The following DCAF6 variants were observed in gnomAD, a reference collection of about 807,000 sequenced individuals.
The protein encoded by DCAF6 is DDB1 and CUL4 associated factor 6.
Under a neutral mutation model 125.1 loss-of-function variants are expected in DCAF6, and 54 were observed. That is an observed-to-expected ratio of 0.43 (90% CI 0.35 to 0.54). DCAF6 has a LOEUF of 0.54. DCAF6 is among the 20% of genes least tolerant of loss of function. The pLI, the probability that DCAF6 is intolerant of heterozygous loss-of-function variation, is 0.01. For missense variants in DCAF6, 934 were observed against 1,161.7 expected (o/e 0.80, Z 2.85); for synonymous variants, 371 against 390.4 (o/e 0.95, Z 0.58).
the DCAF6 span, among the ~76,000 whole-genome samples, chr1:167,872,577 CTATT>C: frequency 1.3e-5 from 2 of 151,748 alleles, no homozygotes; most frequent in Non-Finnish European, 1.5e-5. Flanking sequence ...TAAAAAGCCA[CTATT>C]TATTTATTAT....
In DCAF6 at chr1:168,002,553, G is replaced by A. The variant is rs377089126; in HGVS notation, c.975G>A (p.Pro325=). 96 of 1,612,616 alleles carry A rather than the reference G, an allele frequency of 6.0e-5. 1 individual carries two copies. The highest frequency in any genetic ancestry group is 2.3e-4 in the African/African-American group (17 of 74,858). ...DWSDTGPRAR[P]ESERERDGEQ... ...CAGATACTGGACCCAGAGCAAGGCC[G>A]GAGAGTGAACGAGAACGAGATGGTA... The change falls in exon 8 of 22, where the codon CCG becomes CCA. Residue 325 remains proline, a synonymous_variant. Transcript: ENST00000367840.
Position 167,993,362 on chromosome 1 carries a change from T to A in DCAF6, c.825T>A (p.Asp275Glu). 6.2e-7 allele frequency: 1 copy of A among 1,613,888 alleles called. No individual in the cohort carries two copies. The stretch of plus-strand genomic sequence containing the variant: ...AGATTCTCGTTAGTTACTCTTCAGA[T>A]TACATATATCTTTTTGACCCGAAAG... ...GQEILVSYSS[D>E]YIYLFDPKDD... Residue 275 changes from aspartate to glutamate, a missense_variant, in exon 7 of 22, where the codon GAT (aspartate) becomes GAA (glutamate). Around this residue, in one of 5 missense-constraint regions of DCAF6, gnomAD observed 309 missense variants for 381.2 expected, o/e 0.81. Coordinates refer to ENST00000367840, the MANE Select transcript of DCAF6 (RefSeq NM_001198956.2).
Position 168,039,571 on chromosome 1 carries a change from A to G in DCAF6, c.1727+1083A>G, listed in dbSNP as rs543059506. ...TAGTAATCTATTAGTTAATATATTG[A>G]TATAGTATTTCTTAATATATAATAT... On this transcript the variant is annotated intron_variant, in intron 13 of 21. Coordinates refer to ENST00000367840, the MANE Select transcript of DCAF6 (RefSeq NM_001198956.2). Among the ~76,000 whole-genome samples the G allele has an allele frequency of 6.7e-5, 10 of 148,580 alleles. No individual in the cohort carries two copies. In the South Asian group the frequency reaches 2.1e-3, roughly 31 times the overall value.
the DCAF6 span, among the ~76,000 whole-genome samples, chr1:167,925,412 G>A: frequency 5.8e-5 from 7 of 120,712 alleles, no homozygotes; most frequent in Admixed American, 5.4e-4. Flanking sequence ...ATATGTATGT[G>A]TATATATAAT....
At chr1:167,980,748 A>G (rs1405100678) in intron 4 of DCAF6, among the ~76,000 whole-genome samples, 1 of 151,862 alleles carries the variant, frequency 6.6e-6, no homozygotes, top group Non-Finnish European at 1.5e-5. Flanking sequence ...ACCCTTTTTT[A>G]GATACATGGT....
chr1:167,865,302 T>A, the DCAF6 span, among the ~76,000 whole-genome samples: 1 of 152,224 alleles, frequency 6.6e-6, no homozygotes. Context: ...AAAAAAATTC[T>A]GTGTGTAAAC....
At chr1:168,014,493 G>A (rs1268973543) in intron 10 of DCAF6, among the ~76,000 whole-genome samples, 2 of 152,056 alleles carry the variant, frequency 1.3e-5, no homozygotes, top group Non-Finnish European at 2.9e-5. Flanking sequence ...CTCTTTAGGG[G>A]ACTTAAAATG....
the DCAF6 span, among the ~76,000 whole-genome samples, chr1:167,873,918 A>G: frequency 6.6e-6 from 1 of 152,254 alleles, no homozygotes; most frequent in African/African-American, 2.4e-5. Context: ...GAGTGGGAAA[A>G]GTGATATACA....
the DCAF6 span, chr1:167,878,342 A>AC: frequency 7.4e-7 from 1 of 1,343,986 alleles, no homozygotes. Context: ...ATAGATTTCA[A>AC]CTTTTTGAAC....
intron 7 of DCAF6, among the ~76,000 whole-genome samples, chr1:167,993,672 C>T (rs1018976639): frequency 1.3e-5 from 2 of 152,066 alleles, no homozygotes; most frequent in Admixed American, 1.3e-4. Flanking sequence ...TCGCTTGAAC[C>T]CGGGAGGCGG....
intron 10 of DCAF6, among the ~76,000 whole-genome samples, chr1:168,014,312 C>T (rs1165618836): frequency 2.0e-5 from 3 of 152,154 alleles, no homozygotes; most frequent in African/African-American, 7.2e-5. Flanking sequence ...CAACTGCTTA[C>T]TCCATCCTTT....
At chr1:167,948,944 G>T (rs74120572) in intron 1 of DCAF6, among the ~76,000 whole-genome samples, 1,562 of 152,280 alleles carry the variant, frequency 0.01, 33 homozygotes, top group African/African-American at 0.036. Flanking sequence ...GAGCCACCAC[G>T]CACAGCAATC....
chr1:168,058,313 C>A (rs1034265534), intron 17 of DCAF6, among the ~76,000 whole-genome samples: 6 of 152,110 alleles, frequency 3.9e-5, no homozygotes, highest in Non-Finnish European at 8.8e-5. Flanking sequence ...GTTTTTCTTG[C>A]GTATATACCA....
chr1:167,959,429 C>A (rs1343363345), intron 2 of DCAF6, among the ~76,000 whole-genome samples: 6 of 152,130 alleles, frequency 3.9e-5, no homozygotes, highest in Non-Finnish European at 8.8e-5. Flanking sequence ...GGATAAATAC[C>A]AAGGAGCATG....
At position 168,023,052 on chromosome 1, in the gene DCAF6, G is replaced by T; in HGVS notation, c.1609+5G>T. 1 of 1,614,030 alleles carries T rather than the reference G, an allele frequency of 6.2e-7. No individual in the cohort carries two copies. Among genetic ancestry groups the T allele is most frequent in the African/African-American group, 1.3e-5 (1 of 75,054 alleles). On this transcript the variant is annotated splice_donor_5th_base_variant and intron_variant, in intron 12 of 21. Coordinates refer to ENST00000367840, the MANE Select transcript of DCAF6 (RefSeq NM_001198956.2). ...TGTCACTTGACGAGCAACAGGGTGC[G>T]TGCAACAGGAGATGCGCTATGCCCA...
the DCAF6 span, chr1:167,899,365 CA>C: frequency 1.3e-6 from 2 of 1,551,646 alleles, no homozygotes; most frequent in Non-Finnish European, 1.8e-6. Context: ...ACTCTTCTGG[CA>C]GGGGGCCTCT....
chr1:167,863,977 C>T, the DCAF6 span, among the ~76,000 whole-genome samples: 1 of 152,008 alleles, frequency 6.6e-6, no homozygotes, highest in African/African-American at 2.4e-5. Context: ...TGGGAACTTG[C>T]CCACTCCATT....
At chr1:167,912,327 G>T in the DCAF6 span, among the ~76,000 whole-genome samples, 1 of 152,162 alleles carries the variant, frequency 6.6e-6, no homozygotes, top group Non-Finnish European at 1.5e-5. Flanking sequence ...GCAAATGAAG[G>T]CCATTAGAAA....
At chr1:167,912,854 A>ACCTGATT in the DCAF6 span, among the ~76,000 whole-genome samples, 2 of 152,166 alleles carry the variant, frequency 1.3e-5, no homozygotes, top group African/African-American at 2.4e-5. Flanking sequence ...TATGAAGTAG[A>ACCTGATT]CCTGATTTCT....
Sources: gnomAD v4.1 joint callset for allele counts (sites outside exome capture counted in the v4.1 genomes callset) on GRCh38, gnomAD v4.1.1 for gene constraint, gnomAD v4.1.1 regional missense constraint, MANE v1.5 for transcripts, NCBI Gene and HGNC (gene_info 2026-07-23, HGNC 2026-07-21) for gene names.